The following FAF1 variants were observed in gnomAD, a reference collection of about 807,000 sequenced individuals.
FAF1 encodes FAS-associated factor 1.
A neutral mutation model predicts 92.5 loss-of-function variants in FAF1; 25 were observed. The ratio of observed to expected loss-of-function variants is 0.27; its 90% CI spans 0.20 to 0.38. The LOEUF (loss-of-function observed/expected upper bound fraction) is 0.38. FAF1 is among the 10% of genes least tolerant of loss of function. The pLI, the probability that FAF1 is intolerant of heterozygous loss-of-function variation, is 1.00. For synonymous variants in FAF1, 234 were observed against 273.2 expected (o/e 0.86, Z 1.42); for missense variants, 636 against 793.3 (o/e 0.80, Z 2.38).
chr1:50,910,549 G>A (rs567610992), intron 1 of FAF1, among the ~76,000 whole-genome samples: 7 of 152,094 alleles, frequency 4.6e-5, no homozygotes, highest in South Asian at 2.1e-4. Context: ...TCGAGCTTCC[G>A]GGCCACTTTG....
At chr1:50,690,158 G>C (rs1201053960) in intron 7 of FAF1, among the ~76,000 whole-genome samples, 1 of 151,878 alleles carries the variant, frequency 6.6e-6, no homozygotes, top group Non-Finnish European at 1.5e-5. Flanking sequence ...ACCATGCCCG[G>C]CTAATTTTAA....
At chr1:50,490,146 G>T (rs1209729221) in intron 17 of FAF1, among the ~76,000 whole-genome samples, 1 of 152,128 alleles carries the variant, frequency 6.6e-6, no homozygotes, top group Non-Finnish European at 1.5e-5. Flanking sequence ...GATCACTTCA[G>T]GTCAGGAGTT....
chr1:50,807,998 G>A (rs1662271882), intron 2 of FAF1, among the ~76,000 whole-genome samples: 1 of 151,972 alleles, frequency 6.6e-6, no homozygotes, highest in Non-Finnish European at 1.5e-5. Context: ...AAATATTAAA[G>A]GCAGCTAGGA....
At chr1:50,544,080 G>A (rs1017294326) in intron 13 of FAF1, among the ~76,000 whole-genome samples, 11 of 152,158 alleles carry the variant, frequency 7.2e-5, no homozygotes, top group Admixed American at 7.2e-4. Context: ...GAACAGTCAA[G>A]GACATGGTGG....
chr1:50,646,701 A>G (rs940077981), intron 8 of FAF1, among the ~76,000 whole-genome samples: 3 of 152,134 alleles, frequency 2.0e-5, no homozygotes, highest in Admixed American at 2.0e-4. Context: ...TATATACTTC[A>G]GTTGTCATTG....
chr1:50,454,126 CA>C (rs1172731932), intron 18 of FAF1, among the ~76,000 whole-genome samples: 2 of 152,210 alleles, frequency 1.3e-5, no homozygotes, highest in African/African-American at 2.4e-5. Context: ...AAAAATACAT[CA>C]AATAAGTGAA....
rs77320121 is a variant in FAF1 at position 50,501,583 on chromosome 1, C to T, written c.1495-9782G>A. Among the ~76,000 whole-genome samples, 1,381 of 151,972 alleles carry T rather than the reference C, an allele frequency of 9.1e-3. 19 individuals are homozygous for T. Among genetic ancestry groups the T allele is most frequent in the African/African-American group, 0.032 (1,330 of 41,414 alleles). On this transcript the variant is annotated intron_variant, in intron 15 of 18. Transcript: ENST00000396153. The stretch of plus-strand genomic sequence containing the variant: ...GGCTGAGGCAGGAGAATGGCATGAA[C>T]CCAAGAGGTGGAGACTGCAGTGAGC...
chr1:50,813,690 T>C (rs150200472), intron 2 of FAF1, among the ~76,000 whole-genome samples: 1 of 152,262 alleles, frequency 6.6e-6, no homozygotes, highest in African/African-American at 2.4e-5. Flanking sequence ...CTCAAATTCC[T>C]AGGCTCAAGT....
At chr1:50,759,983 A>C (rs2124525709) in intron 4 of FAF1, among the ~76,000 whole-genome samples, 1 of 151,996 alleles carries the variant, frequency 6.6e-6, no homozygotes, top group Non-Finnish European at 1.5e-5. Context: ...TTCTTCACCC[A>C]CTTTTTGATG....
At chr1:50,504,750 G>A (rs1254648753) in intron 15 of FAF1, among the ~76,000 whole-genome samples, 2 of 152,168 alleles carry the variant, frequency 1.3e-5, no homozygotes, top group Non-Finnish European at 2.9e-5. Flanking sequence ...TAGAATACCA[G>A]CCCTGATTCT....
intron 1 of FAF1, among the ~76,000 whole-genome samples, chr1:50,931,894 T>TA (rs1557594186): frequency 5.7e-4 from 47 of 82,408 alleles, no homozygotes; most frequent in Admixed American, 1.4e-3. Flanking sequence ...AAATAAATAA[T>TA]AATAATAATA....
intron 1 of FAF1, among the ~76,000 whole-genome samples, chr1:50,889,838 T>G (rs1644704112): frequency 6.6e-6 from 1 of 152,198 alleles, no homozygotes. Flanking sequence ...GAATGTATAT[T>G]CTGTTGATTT....
chr1:50,762,948 ATC>A (rs1339137607), intron 4 of FAF1, among the ~76,000 whole-genome samples: 4 of 152,152 alleles, frequency 2.6e-5, no homozygotes, highest in African/African-American at 9.7e-5. Flanking sequence ...CATCTGATAA[ATC>A]TCTCTTTTAA....
chr1:50,803,325 GC>G (rs1042915298), intron 2 of FAF1, among the ~76,000 whole-genome samples: 3 of 152,148 alleles, frequency 2.0e-5, no homozygotes, highest in African/African-American at 7.2e-5. Context: ...ACTGAGGAAT[GC>G]CAAAGTATAA....
chr1:50,819,366 G>A (rs1255615851), intron 2 of FAF1, among the ~76,000 whole-genome samples: 2 of 151,448 alleles, frequency 1.3e-5, no homozygotes, highest in Non-Finnish European at 2.9e-5. Context: ...TGTAATCCCA[G>A]CACTTTGGGA....
chr1:50,722,738 A>C (rs936601021), intron 6 of FAF1, among the ~76,000 whole-genome samples: 1 of 152,020 alleles, frequency 6.6e-6, no homozygotes, highest in African/African-American at 2.4e-5. Flanking sequence ...TACTGAGCAC[A>C]TGCACTGTGC....
intron 9 of FAF1, among the ~76,000 whole-genome samples, chr1:50,590,755 A>C (rs933660867): frequency 4.0e-5 from 6 of 151,792 alleles, no homozygotes; most frequent in African/African-American, 1.2e-4. Flanking sequence ...GCTGAGGCGG[A>C]TAGATCACCT....
At chr1:50,947,884 C>A (rs1425438847) in intron 1 of FAF1, among the ~76,000 whole-genome samples, 1 of 152,090 alleles carries the variant, frequency 6.6e-6, no homozygotes, top group African/African-American at 2.4e-5. Context: ...TCCATTTGTA[C>A]CATAACAGCC....
At chr1:50,488,172 T>C (rs769016334) in intron 17 of FAF1, among the ~76,000 whole-genome samples, 1 of 152,158 alleles carries the variant, frequency 6.6e-6, no homozygotes, top group Admixed American at 6.5e-5. Context: ...AGCATATCAA[T>C]AGAAAAGTTT....
Sources: allele counts gnomAD v4.1 joint callset (sites outside exome capture counted in the v4.1 genomes callset), GRCh38; gene constraint gnomAD v4.1.1; transcripts MANE v1.5; gene names NCBI Gene and HGNC (gene_info 2026-07-23, HGNC 2026-07-21).